CHCHD3: variants seen among roughly 807,000 people sequenced by gnomAD.
The protein encoded by CHCHD3 is coiled-coil-helix-coiled-coil-helix domain containing 3.
In CHCHD3, 20 loss-of-function variants were observed where a neutral mutation model predicts 38.2. The ratio of observed to expected loss-of-function variants is 0.52; its 90% CI spans 0.37 to 0.76. The LOEUF (loss-of-function observed/expected upper bound fraction) is 0.76. Among genes scored for constraint, CHCHD3 ranks in the 30% least tolerant of loss-of-function variants. The pLI is 0.00. For synonymous variants in CHCHD3, 82 were observed against 100.0 expected, an observed-to-expected ratio of 0.82 and a Z score of 1.07; for missense variants, 245 against 279.2, an observed-to-expected ratio of 0.88 and a Z score of 0.87.
chr7:133,042,157 A>G (rs1403605616), intron 2 of CHCHD3, among the ~76,000 whole-genome samples: 1 of 152,226 alleles, frequency 6.6e-6, no homozygotes, highest in Non-Finnish European at 1.5e-5. Flanking sequence ...AATTTTATAA[A>G]AGATGTAAAT....
chr7:132,999,363 A>G (rs1476745676), intron 3 of CHCHD3, among the ~76,000 whole-genome samples: 3 of 152,314 alleles, frequency 2.0e-5, no homozygotes, highest in East Asian at 3.9e-4. Flanking sequence ...CCAATTAACG[A>G]TACTGTTAAG....
chr7:132,819,963 T>G (rs1436738812), intron 6 of CHCHD3, among the ~76,000 whole-genome samples: 1 of 152,176 alleles, frequency 6.6e-6, no homozygotes, highest in African/African-American at 2.4e-5. Flanking sequence ...TCCAAGGTTA[T>G]TTTCATAATG....
rs1438595351 is a variant in CHCHD3, at chr7:132,785,064, T to G, written c.*573A>C. On this transcript the variant is annotated 3_prime_UTR_variant, in exon 8 of 8. Coordinates refer to ENST00000262570, the MANE Select transcript of CHCHD3 (RefSeq NM_017812.4). ...CTTCTTGCCTGTATAATCACCATAA[T>G]AAGTTATAATGAAATAGCTCTTACA... The G allele has an allele frequency of 1.3e-5, 2 of 152,800 alleles. No individual in the cohort carries two copies. Among genetic ancestry groups the G allele is most frequent in the African/African-American group, 2.4e-5 (1 of 41,444 alleles). The allele number at this position is 152,800 out of a possible 1,614,324, so 9.5% of individuals were successfully genotyped here.
intron 4 of CHCHD3, among the ~76,000 whole-genome samples, chr7:132,955,000 T>G (rs1811124036): frequency 6.6e-6 from 1 of 152,088 alleles, no homozygotes; most frequent in Non-Finnish European, 1.5e-5. Context: ...ATCAAGGAAT[T>G]GCAAAGTGGG....
At chr7:133,019,441 TTGA>T (rs1289602784) in intron 3 of CHCHD3, among the ~76,000 whole-genome samples, 1 of 152,166 alleles carries the variant, frequency 6.6e-6, no homozygotes, top group African/African-American at 2.4e-5. Context: ...AAGCCCTTAT[TTGA>T]TGATATCAAC....
chr7:133,072,707 C>T (rs950877538), intron 1 of CHCHD3, among the ~76,000 whole-genome samples: 12 of 151,574 alleles, frequency 7.9e-5, no homozygotes, highest in Admixed American at 2.6e-4. Context: ...GGCGTGGTGG[C>T]GGGCGCCTGT....
intron 5 of CHCHD3, 59 bp downstream of exon 5, chr7:132,885,603 T>C (rs940244069): frequency 4.6e-6 from 6 of 1,296,538 alleles, no homozygotes; most frequent in Non-Finnish European, 6.4e-6. Flanking sequence ...AATTTTTAAA[T>C]AAATATACAA....
chr7:132,871,839 A>C (rs544154823), intron 5 of CHCHD3, among the ~76,000 whole-genome samples: 2 of 152,342 alleles, frequency 1.3e-5, no homozygotes, highest in South Asian at 4.1e-4. Flanking sequence ...ACAACTCATC[A>C]CAAGTATTAT....
At chr7:132,868,867 T>A (rs1355535837) in intron 5 of CHCHD3, among the ~76,000 whole-genome samples, 2 of 152,092 alleles carry the variant, frequency 1.3e-5, no homozygotes, top group Non-Finnish European at 2.9e-5. Context: ...TCCCCAGGGC[T>A]CCTTGCTCTT....
chr7:132,822,139 G>A (rs1807395715), intron 6 of CHCHD3, among the ~76,000 whole-genome samples: 1 of 152,146 alleles, frequency 6.6e-6, no homozygotes, highest in Non-Finnish European at 1.5e-5. Context: ...GTGAAGATGT[G>A]TATACATTTT....
intron 6 of CHCHD3, among the ~76,000 whole-genome samples, chr7:132,835,272 T>C (rs1585557153): frequency 6.6e-6 from 1 of 151,928 alleles, no homozygotes; most frequent in Non-Finnish European, 1.5e-5. Flanking sequence ...ATGAGCCACC[T>C]CGCCTGGCTG....
chr7:133,061,108 T>C (rs1814497045), intron 2 of CHCHD3, among the ~76,000 whole-genome samples: 1 of 151,812 alleles, frequency 6.6e-6, no homozygotes, highest in South Asian at 2.1e-4. Context: ...TTGCTGGCTA[T>C]GTAAGAGATT....
chr7:132,917,342 G>C (rs991120382), intron 4 of CHCHD3, among the ~76,000 whole-genome samples: 4 of 152,036 alleles, frequency 2.6e-5, no homozygotes, highest in Admixed American at 1.3e-4. Flanking sequence ...AAAAGAGCCA[G>C]TCGTAATCCT....
chr7:132,961,388 C>T (rs1226433487), intron 4 of CHCHD3, among the ~76,000 whole-genome samples: 1 of 152,174 alleles, frequency 6.6e-6, no homozygotes, highest in African/African-American at 2.4e-5. Context: ...GGGTTTCATC[C>T]ACTATGATAC....
At chr7:132,846,875 A>AT (rs1366350564) in intron 5 of CHCHD3, among the ~76,000 whole-genome samples, 2 of 152,250 alleles carry the variant, frequency 1.3e-5, no homozygotes, top group Non-Finnish European at 2.9e-5. Flanking sequence ...CAAAAAGGAA[A>AT]TGTATATCAC....
intron 3 of CHCHD3, among the ~76,000 whole-genome samples, chr7:132,984,967 C>G (rs1346240491): frequency 1.3e-5 from 1 of 76,120 alleles, no homozygotes; most frequent in African/African-American, 5.0e-5. Flanking sequence ...GCCCGGCCGC[C>G]CCTACTGGGA....
At chr7:133,078,393 TGAC>T (rs937477243) in intron 1 of CHCHD3, among the ~76,000 whole-genome samples, 1 of 152,168 alleles carries the variant, frequency 6.6e-6, no homozygotes. Flanking sequence ...AGATAAATGA[TGAC>T]TGAGCCTGGT....
At chr7:133,053,216 G>C (rs1293741078) in intron 2 of CHCHD3, among the ~76,000 whole-genome samples, 1 of 152,188 alleles carries the variant, frequency 6.6e-6, no homozygotes, top group Non-Finnish European at 1.5e-5. Context: ...TGAAGGCCAG[G>C]CTCAGTCACG....
intron 2 of CHCHD3, among the ~76,000 whole-genome samples, chr7:133,024,892 A>G (rs1336695358): frequency 2.0e-5 from 3 of 152,198 alleles, no homozygotes; most frequent in African/African-American, 7.2e-5. Context: ...CTTACTGTAC[A>G]GTGGGGACTG....
Sources: gnomAD v4.1 joint callset for allele counts (sites outside exome capture counted in the v4.1 genomes callset) on GRCh38, gnomAD v4.1.1 for gene constraint, MANE v1.5 for transcripts, NCBI Gene and HGNC (gene_info 2026-07-23, HGNC 2026-07-21) for gene names.